Variants in MAML3 observed in about 807,000 individuals in gnomAD.
MAML3 encodes the protein mastermind-like protein 3.
In MAML3, 27 loss-of-function variants were observed where a neutral mutation model predicts 101.9. The ratio of observed to expected loss-of-function variants is 0.27; its 90% confidence interval spans 0.20 to 0.37. The LOEUF is 0.37. Among genes scored for constraint, MAML3 ranks in the 10% least tolerant of loss-of-function variants. MAML3 has a pLI of 1.00. For synonymous variants in MAML3, 501 were observed against 555.9 expected, an observed-to-expected ratio of 0.90 and a Z score of 1.39; for missense variants, 1,316 against 1,444.9, an observed-to-expected ratio of 0.91 and a Z score of 1.45.
intron 1 of MAML3, among the ~76,000 whole-genome samples, chr4:140,082,485 C>T (rs541280878): frequency 6.6e-6 from 1 of 152,224 alleles, no homozygotes; most frequent in Non-Finnish European, 1.5e-5. Flanking sequence ...TTCCCAGCGT[C>T]CTTCCTCCCT....
chr4:140,149,649 T>C (rs1729122759), intron 1 of MAML3, among the ~76,000 whole-genome samples: 1 of 152,212 alleles, frequency 6.6e-6, no homozygotes, highest in Admixed American at 6.5e-5. Context: ...TTCATCTTTA[T>C]TTTTATATCA....
chr4:140,027,820 A>G (rs1445118710), intron 1 of MAML3, among the ~76,000 whole-genome samples: 1 of 152,148 alleles, frequency 6.6e-6, no homozygotes, highest in Admixed American at 6.5e-5. Context: ...TTCCATTAAC[A>G]TCTGGATGTA....
Position 139,991,747 on chromosome 4 carries a change from T to C in MAML3, c.469-100780A>G, listed in dbSNP as rs1350547352. On this transcript the variant is annotated intron_variant, in intron 1 of 4. Coordinates refer to ENST00000509479, the MANE Select transcript of MAML3 (RefSeq NM_018717.5). ...CTATAATCTCAGAGCTTTGGGAGGC[T>C]GAAGCAGGGGGATCATTGAGCCCAG... Among the ~76,000 whole-genome samples the C allele has an allele frequency of 5.3e-5, 8 of 152,026 alleles. No homozygotes were observed. The East Asian group carries it at 1.5e-3, about 29-fold the overall frequency.
At chr4:139,971,562 A>C (rs1734235336) in intron 1 of MAML3, among the ~76,000 whole-genome samples, 2 of 152,198 alleles carry the variant, frequency 1.3e-5, no homozygotes, top group South Asian at 4.1e-4. Context: ...GGATCTCCTC[A>C]ACCCCTAATG....
At position 139,719,235 on chromosome 4, in the gene MAML3, C is replaced by CA; in HGVS notation, c.*87dup. 1 of 1,457,568 alleles carries CA rather than the reference C, an allele frequency of 6.9e-7. No individual in the cohort carries two copies. Among genetic ancestry groups the CA allele is most frequent in the Non-Finnish European group, 9.1e-7 (1 of 1,098,832 alleles). The allele number at this position is 1,457,568 out of a possible 1,614,324, so 90.3% of individuals were successfully genotyped here. ...GCTCAGTTTACGTGGGTCAAAAAAA[C>CA]AAAAAACAAGGATGGGTCAACATCC... On this transcript the variant is annotated 3_prime_UTR_variant, in exon 5 of 5. Transcript: ENST00000509479.
At chr4:140,054,306 C>G (rs1240588137) in intron 1 of MAML3, among the ~76,000 whole-genome samples, 1 of 148,878 alleles carries the variant, frequency 6.7e-6, no homozygotes, top group Non-Finnish European at 1.5e-5. Context: ...GAGGAAGAGG[C>G]TGCAGTGAGC....
chr4:140,050,337 G>GA (rs1040321639), intron 1 of MAML3, among the ~76,000 whole-genome samples: 1 of 152,022 alleles, frequency 6.6e-6, no homozygotes, highest in Non-Finnish European at 1.5e-5. Context: ...CGTTCGTAGA[G>GA]AAAAAAATGG....
intron 1 of MAML3, among the ~76,000 whole-genome samples, chr4:140,147,739 A>G (rs1729090259): frequency 6.6e-6 from 1 of 152,246 alleles, no homozygotes; most frequent in South Asian, 2.1e-4. Flanking sequence ...AAGACAACAG[A>G]ATTTAGCCTT....
At chr4:140,042,450 T>A (rs1727101880) in intron 1 of MAML3, among the ~76,000 whole-genome samples, 1 of 151,952 alleles carries the variant, frequency 6.6e-6, no homozygotes, top group Non-Finnish European at 1.5e-5. Context: ...CTGGCTAACA[T>A]GGTGAAACCC....
intron 2 of MAML3, among the ~76,000 whole-genome samples, chr4:139,879,605 G>C (rs1229270091): frequency 1.4e-5 from 2 of 145,788 alleles, no homozygotes; most frequent in Non-Finnish European, 3.0e-5. Context: ...GGAGAAAATG[G>C]TCGTGGTGGT....
intron 1 of MAML3, among the ~76,000 whole-genome samples, chr4:139,985,400 T>C (rs1734518973): frequency 1.3e-5 from 2 of 152,214 alleles, no homozygotes; most frequent in African/African-American, 4.8e-5. Flanking sequence ...CTTCAAATCA[T>C]AAAGTACATC....
At chr4:139,997,682 T>G (rs1296467848) in intron 1 of MAML3, among the ~76,000 whole-genome samples, 2 of 152,144 alleles carry the variant, frequency 1.3e-5, no homozygotes, top group Non-Finnish European at 2.9e-5. Flanking sequence ...TGGAGTCATC[T>G]TTTTAGCTTT....
At chr4:139,959,118 C>T (rs1223667703) in intron 1 of MAML3, among the ~76,000 whole-genome samples, 1 of 152,180 alleles carries the variant, frequency 6.6e-6, no homozygotes, top group East Asian at 1.9e-4. Context: ...TCACCAACCA[C>T]ATTAGTTTAA....
chr4:140,025,353 G>A (rs1726805002), intron 1 of MAML3, among the ~76,000 whole-genome samples: 1 of 152,096 alleles, frequency 6.6e-6, no homozygotes, highest in African/African-American at 2.4e-5. Flanking sequence ...GACGACAGAT[G>A]AACTGAGTAT....
chr4:139,756,006 T>A (rs1451070259), intron 2 of MAML3, among the ~76,000 whole-genome samples: 1 of 152,178 alleles, frequency 6.6e-6, no homozygotes, highest in Non-Finnish European at 1.5e-5. Context: ...AAAGAATAAA[T>A]CTAAGTGTGA....
intron 1 of MAML3, among the ~76,000 whole-genome samples, chr4:140,110,865 G>A (rs1728428572): frequency 6.6e-6 from 1 of 152,086 alleles, no homozygotes; most frequent in Non-Finnish European, 1.5e-5. Flanking sequence ...TAGCTTTGTG[G>A]TTAGCATAAA....
chr4:139,751,284 C>T (rs1348949159), intron 2 of MAML3, among the ~76,000 whole-genome samples: 2 of 152,120 alleles, frequency 1.3e-5, no homozygotes, highest in Non-Finnish European at 2.9e-5. Flanking sequence ...TATCCCTTAT[C>T]CAAAATATTT....
intron 1 of MAML3, among the ~76,000 whole-genome samples, chr4:140,125,490 CAT>C (rs1317607087): frequency 6.6e-6 from 1 of 152,198 alleles, no homozygotes; most frequent in Non-Finnish European, 1.5e-5. Flanking sequence ...TTGGTCATCA[CAT>C]GACTTTATTC....
chr4:140,067,226 A>T (rs199948754), intron 1 of MAML3, among the ~76,000 whole-genome samples: 14 of 140,534 alleles, frequency 1.0e-4, no homozygotes, highest in African/African-American at 3.1e-4. Flanking sequence ...TGTGTGTGTG[A>T]GTGAGAGAAA....
Sources: allele counts gnomAD v4.1 joint callset (sites outside exome capture counted in the v4.1 genomes callset), GRCh38; gene constraint gnomAD v4.1.1; transcripts MANE v1.5; gene names NCBI Gene and HGNC (gene_info 2026-07-23, HGNC 2026-07-21).